The following SPHK1 variants were observed in gnomAD, a reference collection of about 807,000 sequenced individuals.
The protein encoded by SPHK1 is sphingosine kinase 1, also known as SK 1.
SPHK1 carries 10 observed loss-of-function variants against 14.6 expected under a neutral mutation model. The observed-to-expected ratio is 0.68, with a 90% CI of 0.42 to 1.16. SPHK1 has a LOEUF of 1.16. SPHK1 is among the 50% of genes most tolerant of loss of function. SPHK1 has a pLI of 0.00. For synonymous variants in SPHK1, 274 were observed against 224.0 expected, an observed-to-expected ratio of 1.22 and a Z score of -1.99; for missense variants, 553 against 525.4, an observed-to-expected ratio of 1.05 and a Z score of -0.51.
rs1327445434 is a variant in SPHK1, at chr17:76,387,123, A to G, written c.692A>G (p.Gln231Arg). 1 of 1,613,226 alleles carries G rather than the reference A, an allele frequency of 6.2e-7. No individual in the cohort carries two copies. Among genetic ancestry groups the G allele is most frequent in the Non-Finnish European group, 8.5e-7 (1 of 1,180,026 alleles). Residue 231 changes from glutamine (Q) to arginine (R), a missense_variant, in exon 6 of 6, where the codon CAG (glutamine) becomes CGG (arginine). Gln to Arg is a conservative substitution (Grantham distance 43). Coordinates refer to ENST00000592299, the MANE Select transcript of SPHK1 (RefSeq NM_001142601.2). The surrounding 1 kb of genome is among the most constrained non-coding windows in gnomAD (Gnocchi z 4.1). ...KTPASPVVVQ[Q>R]GPVDAHLVPL... ...CCTGCCTCCCCCGTTGTGGTCCAGC[A>G]GGGCCCGGTAGATGCACACCTTGTG...
At position 76,387,470 on chromosome 17, in the gene SPHK1, A is replaced by T; in HGVS notation, c.1039A>T (p.Ser347Cys). The change falls in exon 6 of 6, where the codon AGC (serine) becomes TGC (cysteine). Residue 347 changes from serine to cysteine, a missense_variant. By Grantham distance (112) the Ser-to-Cys change is moderately radical. Transcript: ENST00000592299. The surrounding 1 kb of genome is among the most constrained non-coding windows in gnomAD (Gnocchi z 4.1). ...VFAVDGELMV[S>C]EAVQGQVHPN... is the part of the protein sequence containing the mutation. The stretch of plus-strand genomic sequence containing the variant: ...TGCAGTGGATGGGGAATTGATGGTT[A>T]GCGAGGCCGTGCAGGGCCAGGTGCA... 6.2e-7 allele frequency: 1 copy of T among 1,613,566 alleles called. No homozygotes were observed. The highest frequency in any genetic ancestry group is 8.5e-7 in the Non-Finnish European group (1 of 1,179,992).
Position 76,386,993 on chromosome 17 carries a change from G to A in SPHK1, c.562G>A (p.Gly188Arg), listed in dbSNP as rs1301930929. ...DLESEKYRRL[G>R]EMRFTLGTFL... ...AGAGAGTGAGAAGTATCGGCGTCTGGGGGAGATGCGCTTCACTCTGGGCAC... is the reference window on the plus strand; with the variant it reads ...AGAGAGTGAGAAGTATCGGCGTCTGAGGGAGATGCGCTTCACTCTGGGCAC... Residue 188 changes from glycine to arginine, a missense_variant, in exon 6 of 6, where the codon GGG becomes AGG. By Grantham distance (125) the Gly-to-Arg change is moderately radical. Transcript: ENST00000592299. The surrounding 1 kb of genome is among the most constrained non-coding windows in gnomAD (Gnocchi z 5.3). 6.2e-7 allele frequency: 1 copy of A among 1,613,562 alleles called. No homozygotes were observed.
Position 76,385,307 on chromosome 17 carries a change from G to T in SPHK1, c.-194-144G>T. 2.7e-6 allele frequency: 4 copies of T among 1,460,320 alleles called. No homozygotes were observed. The allele number at this position is 1,460,320 out of a possible 1,614,324, so 90.5% of individuals were successfully genotyped here. A position where few individuals can be genotyped will look rare whatever the true frequency, so the allele number is the denominator to read the frequency against. ...TTGTAGGCTTAGTCACACGGCGGGG[G>T]CGCCCTCGGAGGCACCGGACCTCAG... On this transcript the variant is annotated intron_variant, in intron 1 of 5. Transcript: ENST00000592299. The surrounding 1 kb of genome is among the most constrained non-coding windows in gnomAD (Gnocchi z 5.3).
intron 1 of SPHK1, 186 bp downstream of exon 1, chr17:76,384,992 C>G: frequency 5.5e-6 from 7 of 1,273,946 alleles, no homozygotes; most frequent in Non-Finnish European, 7.5e-6. Flanking sequence ...CGCAACGGAG[C>G]GGGGCCCTGA....
chr17:76,385,680 G>A lies in SPHK1; in HGVS notation c.10+26G>A. The stretch of plus-strand genomic sequence containing the variant: ...GTTTGTGGGGTTCCTGCTGGGAAGG[G>A]CTGTAGGGGGATTCCTGTTCCTCGC... On this transcript the variant is annotated intron_variant, in intron 2 of 5. Coordinates refer to ENST00000592299, the MANE Select transcript of SPHK1 (RefSeq NM_001142601.2). The surrounding 1 kb of genome is among the most constrained non-coding windows in gnomAD (Gnocchi z 5.3). 6.6e-7 allele frequency: 1 copy of A among 1,525,016 alleles called. No individual in the cohort carries two copies. The highest frequency in any genetic ancestry group is 1.4e-5 in the African/African-American group (1 of 72,822). 94.5% of individuals were successfully genotyped at this position (1,525,016 alleles called of 1,614,324 possible).
In SPHK1 at chr17:76,386,020, C is replaced by T. The variant is rs759686355; in HGVS notation, c.46C>T (p.Arg16Cys). ...CCGGGGCGTGCTCCCGCGGCCCTGC[C>T]GCGTGCTGGTGCTGCTGAACCCGCG... ...GPRGVLPRPCRVLVLLNPRGG... is the reference protein window; with the variant it reads ...GPRGVLPRPCCVLVLLNPRGG... The change falls in exon 3 of 6, where the codon CGC (arginine) becomes TGC (cysteine). Residue 16 changes from arginine (R) to cysteine (C), a missense_variant. By Grantham distance (180) the Arg-to-Cys change is radical. Transcript: ENST00000592299. This position sits in a 1 kb window ranked among gnomAD's most constrained non-coding sequence, Gnocchi z 5.3. The T allele has an allele frequency of 3.7e-6, 6 of 1,605,248 alleles. No homozygotes were observed. In the South Asian group the frequency reaches 4.4e-5, roughly 12 times the overall value.
chr17:76,386,647 C>T lies in SPHK1; in HGVS notation c.374+139C>T. 2 of 1,150,410 alleles carry T rather than the reference C, an allele frequency of 1.7e-6. No individual in the cohort carries two copies. The highest frequency in any genetic ancestry group is 2.6e-5 in the Admixed American group (1 of 38,376). 71.3% of individuals were successfully genotyped at this position (1,150,410 alleles called of 1,614,324 possible). A position where few individuals can be genotyped will look rare whatever the true frequency, so the allele number is the denominator to read the frequency against. ...AGTCCTGGGGCCCTCTCCTGGTGAC[C>T]CCAGCTGACTGCTTCCATTTGCTCC... On this transcript the variant is annotated intron_variant, in intron 5 of 5. Transcript: ENST00000592299. This position sits in a 1 kb window ranked among gnomAD's most constrained non-coding sequence, Gnocchi z 5.3.
At position 76,387,381 on chromosome 17, in the gene SPHK1, C is replaced by T; in HGVS notation, c.950C>T (p.Pro317Leu). The change falls in exon 6 of 6, where the codon CCC becomes CTC. Residue 317 changes from proline (P) to leucine (L), a missense_variant. Transcript: ENST00000592299. This position sits in a 1 kb window ranked among gnomAD's most constrained non-coding sequence, Gnocchi z 4.1. ...GGCAGGCATATGGAGTATGAATGCC[C>T]CTACTTGGTATATGTGCCCGTGGTC... The part of the protein sequence containing the change: ...EKGRHMEYEC[P>L]YLVYVPVVAF... 6.2e-7 allele frequency: 1 copy of T among 1,613,914 alleles called. No individual in the cohort carries two copies. The highest frequency in any genetic ancestry group is 8.5e-7 in the Non-Finnish European group (1 of 1,180,024).
chr17:76,384,268 G>T (rs2071919594), upstream of SPHK1: 1 of 151,958 alleles, frequency 6.6e-6, no homozygotes, highest in Admixed American at 6.6e-5. Context: ...ACACGAGTTC[G>T]CGCGGAGCCC....
chr17:76,386,264 G>GGTGC lies in SPHK1; in HGVS notation c.208_209insTGCG (p.Gly70ValfsTer28). 6.3e-7 allele frequency: 1 copy of GGTGC among 1,596,762 alleles called. No homozygotes were observed. The highest frequency in any genetic ancestry group is 8.5e-7 in the Non-Finnish European group (1 of 1,176,962). On this transcript the variant is annotated frameshift_variant, in exon 4 of 6. Transcript: ENST00000592299. LOFTEE classifies it high-confidence loss of function. This position sits in a 1 kb window ranked among gnomAD's most constrained non-coding sequence, Gnocchi z 5.3. The stretch of plus-strand genomic sequence containing the variant: ...GGGAGCTGGTGCGGTCGGAGGAGCT[G>GGTGC]GGCCGCTGGGACGCTCTGGTGGTCA...
At position 76,386,773 on chromosome 17, in the gene SPHK1, TG is replaced by T; in HGVS notation, c.375-32del. The T allele has an allele frequency of 6.6e-7, 1 of 1,520,520 alleles. No individual in the cohort carries two copies. The highest frequency in any genetic ancestry group is 8.8e-7 in the Non-Finnish European group (1 of 1,135,520). The allele number at this position is 1,520,520 out of a possible 1,614,324, so 94.2% of individuals were successfully genotyped here. ...GAAGCGGGGGATACATGGGGGCTCC[TG>T]TCCTGCCTTATCTGACTTTTTCCCC... On this transcript the variant is annotated intron_variant, in intron 5 of 5. Coordinates refer to ENST00000592299, the MANE Select transcript of SPHK1 (RefSeq NM_001142601.2). This position sits in a 1 kb window ranked among gnomAD's most constrained non-coding sequence, Gnocchi z 5.3.
rs939829252 is a variant in SPHK1 at position 76,385,980 on chromosome 17, C to G, written c.11-5C>G. On this transcript the variant is annotated splice_polypyrimidine_tract_variant and splice_region_variant and intron_variant, in intron 2 of 5. Transcript: ENST00000592299. This position sits in a 1 kb window ranked among gnomAD's most constrained non-coding sequence, Gnocchi z 5.3. ...GACGTGGCCTCTTTGGTTTTGTTTT[C>G]TCAGCGGGCGGCCCCCGGGGCGTGC... 3 of 1,593,338 alleles carry G rather than the reference C, an allele frequency of 1.9e-6. No homozygotes were observed. Among genetic ancestry groups the G allele is most frequent in the East Asian group, 2.3e-5 (1 of 44,280 alleles).
chr17:76,387,513 T>C lies in SPHK1; in HGVS notation c.1082T>C (p.Met361Thr). The change falls in exon 6 of 6, where the codon ATG becomes ACG. Residue 361 changes from methionine (M) to threonine (T), a missense_variant. Physicochemically the swap from Met to Thr is moderately conservative, Grantham distance 81 (BLOSUM62 -1). Coordinates refer to ENST00000592299, the MANE Select transcript of SPHK1 (RefSeq NM_001142601.2). The surrounding 1 kb of genome is among the most constrained non-coding windows in gnomAD (Gnocchi z 4.1). ...CAGGTGCACCCAAACTACTTCTGGA[T>C]GGTCAGCGGTTGCGTGGAGCCCCCG... ...QGQVHPNYFWMVSGCVEPPPS... is the reference protein window; with the variant it reads ...QGQVHPNYFWTVSGCVEPPPS... 1.2e-6 allele frequency: 2 copies of C among 1,612,360 alleles called. No individual in the cohort carries two copies. Among genetic ancestry groups the C allele is most frequent in the Non-Finnish European group, 1.7e-6 (2 of 1,179,798 alleles).
Position 76,386,074 on chromosome 17 carries a change from T to C in SPHK1, c.100T>C (p.Phe34Leu). Residue 34 changes from phenylalanine to leucine, a missense_variant, in exon 3 of 6, where the codon TTC (phenylalanine) becomes CTC (leucine). Coordinates refer to ENST00000592299, the MANE Select transcript of SPHK1 (RefSeq NM_001142601.2). This position sits in a 1 kb window ranked among gnomAD's most constrained non-coding sequence, Gnocchi z 5.3. Reference sequence around the variant, plus strand: ...CGGCAAGGGCAAGGCCTTGCAGCTCTTCCGGAGTCACGTGCAGCCCCTTTT... The same window carrying C: ...CGGCAAGGGCAAGGCCTTGCAGCTCCTCCGGAGTCACGTGCAGCCCCTTTT... Reference protein sequence around the residue: ...RGGKGKALQLFRSHVQPLLAE... With the variant: ...RGGKGKALQLLRSHVQPLLAE... The C allele has an allele frequency of 6.2e-7, 1 of 1,607,100 alleles. No individual in the cohort carries two copies. Among genetic ancestry groups the C allele is most frequent in the Non-Finnish European group, 8.5e-7 (1 of 1,176,478 alleles).
At chr17:76,384,126 C>T (rs546322361), upstream of SPHK1, 458 of 195,246 alleles carry the variant, frequency 2.3e-3, 5 homozygotes, top group African/African-American at 1.0e-2. Context: ...TTCGGGTGGG[C>T]TAGGGCAGAG....
chr17:76,383,690 G>T (rs2071907504), upstream of SPHK1, among the ~76,000 whole-genome samples: 2 of 152,258 alleles, frequency 1.3e-5, no homozygotes, highest in Admixed American at 6.5e-5. Flanking sequence ...TCTAACTCGA[G>T]GTGCTCGCGG....
rs2071947084 is a variant in SPHK1 at position 76,385,347 on chromosome 17, C to T, written c.-194-104C>T. 18 of 1,449,116 alleles carry T rather than the reference C, an allele frequency of 1.2e-5. No homozygotes were observed. The East Asian group carries it at 3.3e-4, about 26-fold the overall frequency. The allele number at this position is 1,449,116 out of a possible 1,614,324, so 89.8% of individuals were successfully genotyped here. A position where few individuals can be genotyped will look rare whatever the true frequency, so the allele number is the denominator to read the frequency against. On this transcript the variant is annotated intron_variant, in intron 1 of 5. Transcript: ENST00000592299. This position sits in a 1 kb window ranked among gnomAD's most constrained non-coding sequence, Gnocchi z 5.3. ...CCGGACCTCAGCTCTCTGGACTTCC[C>T]GGGAACCTGGCTCCCCGCGCGTGGT...
chr17:76,386,053 A>C lies in SPHK1; in HGVS notation c.79A>C (p.Lys27Gln). Residue 27 changes from lysine to glutamine, a missense_variant, in exon 3 of 6, where the codon AAG becomes CAG. Physicochemically the swap from Lys to Gln is moderately conservative, Grantham distance 53 (BLOSUM62 1). Transcript: ENST00000592299. This position sits in a 1 kb window ranked among gnomAD's most constrained non-coding sequence, Gnocchi z 5.3. Reference sequence around the variant, plus strand: ...GGTGCTGCTGAACCCGCGCGGCGGCAAGGGCAAGGCCTTGCAGCTCTTCCG... The same window carrying C: ...GGTGCTGCTGAACCCGCGCGGCGGCCAGGGCAAGGCCTTGCAGCTCTTCCG... ...VLVLLNPRGGKGKALQLFRSH... is the reference protein window; with the variant it reads ...VLVLLNPRGGQGKALQLFRSH... The C allele has an allele frequency of 6.2e-7, 1 of 1,608,700 alleles. No individual in the cohort carries two copies.
chr17:76,386,334 G>C lies in SPHK1; in HGVS notation c.258+19G>C. On this transcript the variant is annotated intron_variant, in intron 4 of 5. Coordinates refer to ENST00000592299, the MANE Select transcript of SPHK1 (RefSeq NM_001142601.2). This position sits in a 1 kb window ranked among gnomAD's most constrained non-coding sequence, Gnocchi z 5.3. ...GCACGAGGTGAGGACCGCACTGCGC[G>C]GCTAGGCCTGGGGCTTGGCGCGGTG... 2 of 1,605,980 alleles carry C rather than the reference G, an allele frequency of 1.2e-6. No individual in the cohort carries two copies. Among genetic ancestry groups the C allele is most frequent in the South Asian group, 1.1e-5 (1 of 90,828 alleles).
Sources: gnomAD v4.1 joint callset for allele counts (sites outside exome capture counted in the v4.1 genomes callset) on GRCh38, gnomAD v4.1.1 for gene constraint, Gnocchi (gnomAD v3.1) non-coding constraint, MANE v1.5 for transcripts, NCBI Gene and HGNC (gene_info 2026-07-23, HGNC 2026-07-21) for gene names.